Variants in DGKG observed in about 807,000 individuals in gnomAD.
DGKG encodes diacylglycerol kinase gamma.
A neutral mutation model predicts 105.3 loss-of-function variants in DGKG; 78 were observed. That is an observed-to-expected ratio of 0.74 (90% CI 0.62 to 0.89). The LOEUF (loss-of-function observed/expected upper bound fraction) is 0.89. Ranked by LOEUF, DGKG falls within the 40% of genes least tolerant of loss-of-function variation. DGKG has a pLI of 0.00. For missense variants in DGKG, 958 were observed against 1,020.1 expected, an observed-to-expected ratio of 0.94 and a Z score of 0.83; for synonymous variants, 346 against 367.1, an observed-to-expected ratio of 0.94 and a Z score of 0.66.
chr3:186,202,799 T>C (rs1167988244), intron 21 of DGKG, among the ~76,000 whole-genome samples: 1 of 152,210 alleles, frequency 6.6e-6, no homozygotes, highest in Non-Finnish European at 1.5e-5. Context: ...TGAGACTTTC[T>C]TGGGCCCCAT....
chr3:186,268,668 C>T (rs1037396049), intron 12 of DGKG, 133 bp downstream of exon 12: 12 of 643,136 alleles, frequency 1.9e-5, no homozygotes, highest in Admixed American at 7.4e-5. Flanking sequence ...ATTGAATAGG[C>T]GCTGTGGGGT....
At position 186,272,362 on chromosome 3, in the gene DGKG, A is replaced by C. The variant is rs1722356109; in HGVS notation, c.911-19T>G. 6.3e-7 allele frequency: 1 copy of C among 1,593,372 alleles called. No homozygotes were observed. Among genetic ancestry groups the C allele is most frequent in the Non-Finnish European group, 8.6e-7 (1 of 1,161,542 alleles). ...TTACAGTCTGAAAAGAAAAAAAGTC[A>C]AGGCAGGTGCTTGTGAATAGCCACG... is the stretch of plus-strand genomic sequence containing the variant. On this transcript the variant is annotated intron_variant, in intron 10 of 24. Transcript: ENST00000265022.
chr3:186,240,807 G>GAAAAAAA (rs11311286), intron 20 of DGKG, among the ~76,000 whole-genome samples: 1 of 138,858 alleles, frequency 7.2e-6, no homozygotes. Context: ...GAAACTCCAT[G>GAAAAAAA]AAAAAAAAAA....
chr3:186,150,703 C>A (rs1715717239), intron 24 of DGKG, among the ~76,000 whole-genome samples: 1 of 152,158 alleles, frequency 6.6e-6, no homozygotes, highest in Non-Finnish European at 1.5e-5. Context: ...TGGAGAGTTC[C>A]CAATTGAGTG....
intron 21 of DGKG, among the ~76,000 whole-genome samples, chr3:186,196,437 C>G (rs190267262): frequency 1.3e-5 from 2 of 152,188 alleles, no homozygotes; most frequent in South Asian, 2.1e-4. Context: ...CTGCGCCCAG[C>G]CTTTTTCTCT....
rs1308571074 is a variant in DGKG, at chr3:186,212,521, C to T, written c.1827-636G>A. Among the ~76,000 whole-genome samples, 10 of 152,180 alleles carry T rather than the reference C, an allele frequency of 6.6e-5. No homozygotes were observed. The East Asian group carries it at 1.9e-3, about 29-fold the overall frequency. ...TCAAATGTATTTGCTTAGGCCATGG[C>T]AATCCTTCAGTTAAGGGCAAGACTT... On this transcript the variant is annotated intron_variant, in intron 20 of 24. Coordinates refer to ENST00000265022, the MANE Select transcript of DGKG (RefSeq NM_001346.3).
At chr3:186,237,716 G>A (rs529826016) in intron 20 of DGKG, among the ~76,000 whole-genome samples, 11 of 152,268 alleles carry the variant, frequency 7.2e-5, no homozygotes, top group African/African-American at 1.4e-4. Context: ...CAGCAGTTGC[G>A]GCAAACAGAG....
rs1300522043 is a variant in DGKG at position 186,268,806 on chromosome 3, T to A, written c.1111A>T (p.Met371Leu). The A allele has an allele frequency of 1.2e-6, 2 of 1,610,472 alleles. No individual in the cohort carries two copies. The highest frequency in any genetic ancestry group is 2.2e-5 in the East Asian group (1 of 44,852). The change falls in exon 12 of 25, where the codon ATG (methionine) becomes TTG (leucine). Residue 371 changes from methionine to leucine, a missense_variant. Met to Leu is a conservative substitution (Grantham distance 15). Coordinates refer to ENST00000265022, the MANE Select transcript of DGKG (RefSeq NM_001346.3). ...VTARHCVWCR[M>L]TFHRKCELST... Reference sequence around the variant, plus strand: ...CGCCCTGGGCGCCAACCCACCGTCATCCGGCACCACACGCAGTGCCGCGCG... The same window carrying A: ...CGCCCTGGGCGCCAACCCACCGTCAACCGGCACCACACGCAGTGCCGCGCG...
chr3:186,165,043 G>A, intron 22 of DGKG, 25 bp from the exon 23 acceptor site: 2 of 1,605,568 alleles, frequency 1.2e-6, no homozygotes, highest in Non-Finnish European at 1.7e-6. Flanking sequence ...AGCAAAAGTA[G>A]TGCATACACA....
At chr3:186,211,176 G>A (rs750428124) in intron 21 of DGKG, among the ~76,000 whole-genome samples, 9 of 152,188 alleles carry the variant, frequency 5.9e-5, no homozygotes, top group Non-Finnish European at 1.2e-4. Context: ...AAATGAAAAT[G>A]CCAGCTTCTT....
rs145781599 is a variant in DGKG at position 186,356,535 on chromosome 3, T to C, written c.-249+5411A>G. ...GCTCAACAGGTGTCAATGGTATAGA[T>C]TCTTAATTAGACCTTAAAGAGTTTT... On this transcript the variant is annotated intron_variant, in intron 1 of 24. Transcript: ENST00000265022. Among the ~76,000 whole-genome samples, 25 of 152,308 alleles carry C rather than the reference T, an allele frequency of 1.6e-4. 1 individual carries two copies. The East Asian group carries it at 4.2e-3, about 26-fold the overall frequency.
intron 1 of DGKG, among the ~76,000 whole-genome samples, chr3:186,341,607 T>C (rs1726089453): frequency 6.6e-6 from 1 of 152,212 alleles, no homozygotes; most frequent in Non-Finnish European, 1.5e-5. Context: ...TATGTATACA[T>C]AATTATAAAG....
Position 186,284,926 on chromosome 3 carries a change from T to C in DGKG, c.545-217A>G, listed in dbSNP as rs573666282. On this transcript the variant is annotated intron_variant, in intron 6 of 24. Coordinates refer to ENST00000265022, the MANE Select transcript of DGKG (RefSeq NM_001346.3). This position sits in a 1 kb window ranked among gnomAD's most constrained non-coding sequence, Gnocchi z 4.0. Reference sequence around the variant, plus strand: ...CTGGCTTCTGGACCTGTCTAAGCAATACCTATGTGGCTGATGAAGTCCAGG... The same window carrying C: ...CTGGCTTCTGGACCTGTCTAAGCAACACCTATGTGGCTGATGAAGTCCAGG... 1.6e-3 allele frequency among the ~76,000 whole-genome samples: 242 copies of C among 152,314 alleles called. 1 individual carries two copies. Among genetic ancestry groups the C allele is most frequent in the Non-Finnish European group, 1.6e-3 (110 of 68,032 alleles).
chr3:186,215,529 C>T, intron 20 of DGKG, among the ~76,000 whole-genome samples: 1 of 151,632 alleles, frequency 6.6e-6, no homozygotes, highest in African/African-American at 2.4e-5. Flanking sequence ...AAAGATCATT[C>T]TGTTCCATGT....
intron 7 of DGKG, among the ~76,000 whole-genome samples, chr3:186,282,869 C>T (rs1181449860): frequency 5.3e-5 from 8 of 151,878 alleles, no homozygotes; most frequent in Admixed American, 2.6e-4. Flanking sequence ...TGCTCAAGAT[C>T]GTCAATGGTT....
At chr3:186,266,886 C>T (rs1168565564) in intron 13 of DGKG, among the ~76,000 whole-genome samples, 5 of 152,166 alleles carry the variant, frequency 3.3e-5, no homozygotes, top group South Asian at 2.1e-4. Context: ...CATGAGCCAC[C>T]GTGGCTGGCC....
At chr3:186,197,255 C>A (rs112848065) in intron 21 of DGKG, among the ~76,000 whole-genome samples, 1,590 of 152,090 alleles carry the variant, frequency 0.01, 37 homozygotes, top group African/African-American at 0.036. Context: ...GAGGAAGAGG[C>A]GGACAATATC....
chr3:186,298,317 G>A, intron 3 of DGKG, 88 bp from the exon 4 acceptor site: 1 of 1,333,534 alleles, frequency 7.5e-7, no homozygotes, highest in Non-Finnish European at 1.0e-6. Flanking sequence ...AAAGCTGGCA[G>A]GTGAAAGGAA....
At chr3:186,293,348 T>A (rs1723398343) in intron 5 of DGKG, among the ~76,000 whole-genome samples, 1 of 152,226 alleles carries the variant, frequency 6.6e-6, no homozygotes, top group Admixed American at 6.5e-5. Flanking sequence ...CCTTCAAATT[T>A]CTTACAATGT....
Sources: gnomAD v4.1 joint callset for allele counts (sites outside exome capture counted in the v4.1 genomes callset) on GRCh38, gnomAD v4.1.1 for gene constraint, Gnocchi (gnomAD v3.1) non-coding constraint, MANE v1.5 for transcripts, NCBI Gene and HGNC (gene_info 2026-07-23, HGNC 2026-07-21) for gene names.